The following MSX1 variants were observed in gnomAD, a reference collection of about 807,000 sequenced individuals.
The protein encoded by MSX1 is homeobox protein MSX-1.
MSX1 carries 11 observed loss-of-function variants against 17.0 expected under a neutral mutation model. That is an observed-to-expected ratio of 0.65 (90% CI 0.41 to 1.07). MSX1 has a LOEUF of 1.07. Among genes scored for constraint, MSX1 ranks in the 50% least tolerant of loss-of-function variants. MSX1 has a pLI of 0.00. For synonymous variants in MSX1, 253 were observed against 211.8 expected (o/e 1.19, Z -1.69); for missense variants, 477 against 440.1 (o/e 1.08, Z -0.75).
chr4:4,860,200 G>A lies in MSX1; in HGVS notation c.301G>A (p.Gly101Arg). The A allele has an allele frequency of 1.3e-6, 2 of 1,529,106 alleles. No individual in the cohort carries two copies. Among genetic ancestry groups the A allele is most frequent in the African/African-American group, 1.4e-5 (1 of 70,632 alleles). 94.7% of individuals were successfully genotyped at this position (1,529,106 alleles called of 1,614,324 possible). Residue 101 changes from glycine to arginine, a missense_variant, in exon 1 of 2, where the codon GGG becomes AGG. Coordinates refer to ENST00000382723, the MANE Select transcript of MSX1 (RefSeq NM_002448.3). ...GSAQPLGVPP[G>R]SLGAPDAPSS... The stretch of plus-strand genomic sequence containing the variant: ...GGCGCAGCCACTGGGCGTCCCGCCG[G>A]GGTCGCTGGGAGCCCCGGACGCGCC...
In MSX1 at chr4:4,859,905, C is replaced by G; in HGVS notation, c.6C>G (p.Ala2=). 2 of 1,493,756 alleles carry G rather than the reference C, an allele frequency of 1.3e-6. No individual in the cohort carries two copies. The highest frequency in any genetic ancestry group is 2.6e-5 in the South Asian group (2 of 77,590). 92.5% of individuals were successfully genotyped at this position (1,493,756 alleles called of 1,614,324 possible). The change falls in exon 1 of 2, where the codon GCC becomes GCG. Residue 2 remains alanine (A), a synonymous_variant. Coordinates refer to ENST00000382723, the MANE Select transcript of MSX1 (RefSeq NM_002448.3). ...AAGGGGGGGCCCGGCTCTGCATGGC[C>G]CCGGCTGCTGACATGACTTCTTTGC... The part of the protein sequence containing the change: M[A]PAADMTSLPL...
rs530919363 is a variant in MSX1 at position 4,859,893 on chromosome 4, G to A, written c.-7G>A. The A allele has an allele frequency of 6.7e-7, 1 of 1,486,330 alleles. No homozygotes were observed. The highest frequency in any genetic ancestry group is 8.9e-7 in the Non-Finnish European group (1 of 1,118,172). 92.1% of individuals were successfully genotyped at this position (1,486,330 alleles called of 1,614,324 possible). On this transcript the variant is annotated 5_prime_UTR_variant, in exon 1 of 2. Coordinates refer to ENST00000382723, the MANE Select transcript of MSX1 (RefSeq NM_002448.3). ...GTGCTGCGGCAGAAGGGGGGGCCCG[G>A]CTCTGCATGGCCCCGGCTGCTGACA...
rs1384728029 is a variant in MSX1 at position 4,859,935 on chromosome 4, C to G, written c.36C>G (p.Leu12=). Residue 12 remains leucine (L), a synonymous_variant, in exon 1 of 2, where the codon CTC becomes CTG. Transcript: ENST00000382723. ...APAADMTSLP[L]GVKVEDSAFG... ...CTGCTGACATGACTTCTTTGCCACT[C>G]GGTGTCAAAGTGGAGGACTCCGCCT... 1 of 1,496,388 alleles carries G rather than the reference C, an allele frequency of 6.7e-7. No homozygotes were observed. Among genetic ancestry groups the G allele is most frequent in the South Asian group, 1.3e-5 (1 of 77,852 alleles). 92.7% of individuals were successfully genotyped at this position (1,496,388 alleles called of 1,614,324 possible). A position where few individuals can be genotyped will look rare whatever the true frequency, so the allele number is the denominator to read the frequency against.
chr4:4,861,498 T>C (rs1737915357), intron 1 of MSX1, among the ~76,000 whole-genome samples: 1 of 149,314 alleles, frequency 6.7e-6, no homozygotes. Context: ...TTTTTTCTGT[T>C]TGTTTGTGGT....
At chr4:4,861,286 C>T (rs921587784) in intron 1 of MSX1, among the ~76,000 whole-genome samples, 6 of 152,268 alleles carry the variant, frequency 3.9e-5, no homozygotes, top group Non-Finnish European at 8.8e-5. Flanking sequence ...TCTGGGTTGT[C>T]GCCGCTGAAG....
chr4:4,859,958 C>G lies in MSX1; in HGVS notation c.59C>G (p.Ala20Gly), dbSNP rs753951764. The G allele has an allele frequency of 6.7e-7, 1 of 1,495,004 alleles. No homozygotes were observed. Among genetic ancestry groups the G allele is most frequent in the Admixed American group, 2.3e-5 (1 of 43,518 alleles). The allele number at this position is 1,495,004 out of a possible 1,614,324, so 92.6% of individuals were successfully genotyped here. The change falls in exon 1 of 2, where the codon GCC becomes GGC. Residue 20 changes from alanine (A) to glycine (G), a missense_variant. Ala to Gly is a moderately conservative substitution (Grantham distance 60). Transcript: ENST00000382723. ...CTCGGTGTCAAAGTGGAGGACTCCG[C>G]CTTCGGCAAGCCGGCGGGGGGAGGC... ...LPLGVKVEDS[A>G]FGKPAGGGAG...
chr4:4,862,652 C>A, intron 1 of MSX1, 49 bp from the exon 2 acceptor site: 1 of 1,596,196 alleles, frequency 6.3e-7, no homozygotes, highest in South Asian at 1.1e-5. Flanking sequence ...TGATCATGCT[C>A]CAATGCTTCT....
At position 4,863,255 on chromosome 4, in the gene MSX1, A is replaced by C; in HGVS notation, c.*112A>C. 6.3e-6 allele frequency: 7 copies of C among 1,109,340 alleles called. No individual in the cohort carries two copies. The highest frequency in any genetic ancestry group is 9.1e-6 in the Non-Finnish European group (7 of 770,932). 68.7% of individuals were successfully genotyped at this position (1,109,340 alleles called of 1,614,324 possible). On this transcript the variant is annotated 3_prime_UTR_variant, in exon 2 of 2. Coordinates refer to ENST00000382723, the MANE Select transcript of MSX1 (RefSeq NM_002448.3). ...CAGCCGCCTTCCCTTTAACCCTCAC[A>C]CTGCTCCAGTTTCACCTCTTTGCTC...
rs33946149 is a variant in MSX1 at position 4,862,574 on chromosome 4, C to A, written c.470-127C>A. On this transcript the variant is annotated intron_variant, in intron 1 of 1. Coordinates refer to ENST00000382723, the MANE Select transcript of MSX1 (RefSeq NM_002448.3). ...ATATTTCAAGTGCCTTGCGCGATGC[C>A]CGGCACCGAGGCACTTGGCGGCACT... 163,642 of 1,127,074 alleles carry A rather than the reference C, an allele frequency of 0.15. 12,626 individuals carry two copies. Among genetic ancestry groups the A allele is most frequent in the Middle Eastern group, 0.17 (855 of 5,152 alleles). 69.8% of individuals were successfully genotyped at this position (1,127,074 alleles called of 1,614,324 possible).
Position 4,859,774 on chromosome 4 carries a change from C to A in MSX1, c.-126C>A. On this transcript the variant is annotated 5_prime_UTR_variant, in exon 1 of 2. Transcript: ENST00000382723. Reference sequence around the variant, plus strand: ...GCCTGCTGGGGAGGGGCGGGAGGCGCGCGCGGGAGGGTCCGCCCGGCCAGG... The same window carrying A: ...GCCTGCTGGGGAGGGGCGGGAGGCGAGCGCGGGAGGGTCCGCCCGGCCAGG... 2 of 691,068 alleles carry A rather than the reference C, an allele frequency of 2.9e-6. No homozygotes were observed. The highest frequency in any genetic ancestry group is 1.9e-6 in the Non-Finnish European group (1 of 520,512). The allele number at this position is 691,068 out of a possible 1,614,324, so 42.8% of individuals were successfully genotyped here.
intron 1 of MSX1, among the ~76,000 whole-genome samples, chr4:4,860,716 T>A (rs778289593): frequency 6.6e-6 from 1 of 152,208 alleles, no homozygotes; most frequent in African/African-American, 2.4e-5. Context: ...GATGAATGTG[T>A]GTGGTGCGGT....
rs752978243 is a variant in MSX1 at position 4,859,975 on chromosome 4, G to A, written c.76G>A (p.Gly26Arg). Reference protein sequence around the residue: ...VEDSAFGKPAGGGAGQAPSAA... With the variant: ...VEDSAFGKPARGGAGQAPSAA... ...GGACTCCGCCTTCGGCAAGCCGGCG[G>A]GGGGAGGCGCGGGCCAGGCCCCCAG... Residue 26 changes from glycine to arginine, a missense_variant, in exon 1 of 2, where the codon GGG becomes AGG. Physicochemically the swap from Gly to Arg is moderately radical, Grantham distance 125. Around this residue, in one of 3 missense-constraint regions of MSX1, gnomAD observed 355 missense variants for 306.1 expected, o/e 1.16. Coordinates refer to ENST00000382723, the MANE Select transcript of MSX1 (RefSeq NM_002448.3). The A allele has an allele frequency of 2.0e-6, 3 of 1,489,848 alleles. No individual in the cohort carries two copies. Among genetic ancestry groups the A allele is most frequent in the Admixed American group, 2.3e-5 (1 of 42,622 alleles). 92.3% of individuals were successfully genotyped at this position (1,489,848 alleles called of 1,614,324 possible). A position where few individuals can be genotyped will look rare whatever the true frequency, so the allele number is the denominator to read the frequency against.
chr4:4,860,661 C>G (rs1021765982), intron 1 of MSX1, among the ~76,000 whole-genome samples: 8 of 152,338 alleles, frequency 5.3e-5, no homozygotes, highest in East Asian at 3.9e-4. Flanking sequence ...GGTCCATGAT[C>G]CCTCATCTGA....
Position 4,863,203 on chromosome 4 carries a change from C to A in MSX1, c.*60C>A, listed in dbSNP as rs893448084. 43 of 1,514,318 alleles carry A rather than the reference C, an allele frequency of 2.8e-5. No homozygotes were observed. The highest frequency in any genetic ancestry group is 3.3e-5 in the Non-Finnish European group (37 of 1,124,680). 93.8% of individuals were successfully genotyped at this position (1,514,318 alleles called of 1,614,324 possible). A position where few individuals can be genotyped will look rare whatever the true frequency, so the allele number is the denominator to read the frequency against. Reference sequence around the variant, plus strand: ...TTCCTCCAGCCCTGGTGCTGTACCCCCGACGTGCTCCCCTGCTCGGCACCG... The same window carrying A: ...TTCCTCCAGCCCTGGTGCTGTACCCACGACGTGCTCCCCTGCTCGGCACCG... On this transcript the variant is annotated 3_prime_UTR_variant, in exon 2 of 2. Transcript: ENST00000382723.
rs756500556 is a variant in MSX1, at chr4:4,860,342, G to T, written c.443G>T (p.Ser148Ile). 6.3e-6 allele frequency: 10 copies of T among 1,593,682 alleles called. No individual in the cohort carries two copies. In the South Asian group the frequency reaches 8.8e-5, roughly 14 times the overall value. Residue 148 changes from serine (S) to isoleucine (I), a missense_variant, in exon 1 of 2, where the codon AGC becomes ATC. Ser to Ile is a moderately radical substitution (Grantham distance 142, BLOSUM62 -2). Around this residue, in one of 3 missense-constraint regions of MSX1, gnomAD observed 355 missense variants for 306.1 expected, o/e 1.16. Coordinates refer to ENST00000382723, the MANE Select transcript of MSX1 (RefSeq NM_002448.3). ...CCCGAGAGGACCCCGTGGATGCAGA[G>T]CCCCCGCTTCTCCCCGCCGCCGGCC... ...EKPERTPWMQ[S>I]PRFSPPPARR...
Position 4,860,258 on chromosome 4 carries a change from T to G in MSX1, c.359T>G (p.Val120Gly), listed in dbSNP as rs759548721. 2.3e-4 allele frequency: 365 copies of G among 1,594,494 alleles called. No individual in the cohort carries two copies. The highest frequency in any genetic ancestry group is 3.0e-4 in the Non-Finnish European group (350 of 1,178,078). ...CCGCGGCCGCTCGGCCATTTCTCGG[T>G]GGGGGGACTCCTCAAGCTGCCAGAA... The part of the protein sequence containing the change: ...SSPRPLGHFS[V>G]GGLLKLPEDA... Residue 120 changes from valine to glycine, a missense_variant, in exon 1 of 2, where the codon GTG becomes GGG. Val to Gly is a moderately radical substitution (Grantham distance 109). Transcript: ENST00000382723.
chr4:4,862,140 G>A (rs527951657), intron 1 of MSX1, among the ~76,000 whole-genome samples: 1 of 152,234 alleles, frequency 6.6e-6, no homozygotes, highest in African/African-American at 2.4e-5. Context: ...CTAGAATCCC[G>A]TAGGAGCGAA....
Position 4,860,094 on chromosome 4 carries a change from G to A in MSX1, c.195G>A (p.Ala65=), listed in dbSNP as rs771658240. The part of the protein sequence containing the change: ...SPSLLPFSVE[A]LMADHRKPGA... ...CGCTCCTGCCCTTCAGCGTGGAGGC[G>A]CTCATGGCCGACCACAGGAAGCCGG... The change falls in exon 1 of 2, where the codon GCG becomes GCA. Residue 65 remains alanine, a synonymous_variant. Transcript: ENST00000382723. The A allele has an allele frequency of 2.3e-5, 35 of 1,519,530 alleles. No individual in the cohort carries two copies. The highest frequency in any genetic ancestry group is 2.9e-5 in the Non-Finnish European group (33 of 1,136,906). The allele number at this position is 1,519,530 out of a possible 1,614,324, so 94.1% of individuals were successfully genotyped here.
chr4:4,862,307 G>C (rs952936636), intron 1 of MSX1: 1 of 378,032 alleles, frequency 2.6e-6, no homozygotes, highest in African/African-American at 2.1e-5. Flanking sequence ...CTGCATGTTC[G>C]TCAACTGTAT....
Sources: allele counts gnomAD v4.1 joint callset (sites outside exome capture counted in the v4.1 genomes callset), GRCh38; gene constraint gnomAD v4.1.1; regional missense constraint gnomAD v4.1.1; transcripts MANE v1.5; gene names NCBI Gene and HGNC (gene_info 2026-07-23, HGNC 2026-07-21).